DEPDC1B: variants seen among roughly 807,000 people sequenced by gnomAD.
The protein encoded by DEPDC1B is DEP domain-containing protein 1B.
DEPDC1B carries 51 observed loss-of-function variants against 66.5 expected under a neutral mutation model. That is an observed-to-expected ratio of 0.77 (90% CI 0.61 to 0.97). DEPDC1B has a LOEUF of 0.97. DEPDC1B is among the 50% of genes least tolerant of loss of function. DEPDC1B has a pLI of 0.00. For missense variants in DEPDC1B, 552 were observed against 637.1 expected, an observed-to-expected ratio of 0.87 and a Z score of 1.44; for synonymous variants, 226 against 223.6, an observed-to-expected ratio of 1.01 and a Z score of -0.10.
chr5:60,699,457 A>C (rs1450840688), intron 1 of DEPDC1B, among the ~76,000 whole-genome samples: 3 of 151,226 alleles, frequency 2.0e-5, no homozygotes, highest in Non-Finnish European at 2.9e-5. Context: ...AAAAAAAAAA[A>C]AAAAACAGGA....
intron 2 of DEPDC1B, among the ~76,000 whole-genome samples, chr5:60,649,526 G>A (rs776940634): frequency 1.1e-4 from 16 of 152,122 alleles, no homozygotes; most frequent in Non-Finnish European, 1.9e-4. Flanking sequence ...TCTATTTCGG[G>A]CATTGAAAGT....
chr5:60,654,212 C>T (rs1316094687), intron 2 of DEPDC1B, among the ~76,000 whole-genome samples: 4 of 149,014 alleles, frequency 2.7e-5, no homozygotes, highest in African/African-American at 5.1e-5. Context: ...GTCATTTTTA[C>T]AATGTTAATT....
At chr5:60,637,306 G>A (rs985664052) in intron 7 of DEPDC1B, among the ~76,000 whole-genome samples, 1 of 152,116 alleles carries the variant, frequency 6.6e-6, no homozygotes, top group African/African-American at 2.4e-5. Context: ...TTGCAACTGT[G>A]AGTTCTCCCA....
chr5:60,625,170 A>T (rs551931298), intron 7 of DEPDC1B, among the ~76,000 whole-genome samples: 1 of 152,162 alleles, frequency 6.6e-6, no homozygotes, highest in African/African-American at 2.4e-5. Flanking sequence ...GTTGGTTCCG[A>T]GTCTTTGCTA....
intron 7 of DEPDC1B, among the ~76,000 whole-genome samples, chr5:60,608,837 G>A (rs897513788): frequency 1.2e-4 from 19 of 152,196 alleles, no homozygotes; most frequent in East Asian, 1.2e-3. Context: ...GGCTAGGCAT[G>A]GTGGCTTACA....
At chr5:60,665,856 G>A (rs1323019321) in intron 2 of DEPDC1B, among the ~76,000 whole-genome samples, 1 of 152,126 alleles carries the variant, frequency 6.6e-6, no homozygotes, top group Non-Finnish European at 1.5e-5. Flanking sequence ...TACAAATTAG[G>A]CTAAAGCAGG....
intron 1 of DEPDC1B, among the ~76,000 whole-genome samples, chr5:60,688,643 T>A (rs1167923058): frequency 6.6e-6 from 1 of 152,134 alleles, no homozygotes; most frequent in Non-Finnish European, 1.5e-5. Context: ...CAGAGCTGAG[T>A]GAGTACGTTG....
At chr5:60,623,171 G>C (rs190938624) in intron 7 of DEPDC1B, among the ~76,000 whole-genome samples, 4 of 152,198 alleles carry the variant, frequency 2.6e-5, no homozygotes, top group Admixed American at 2.6e-4. Context: ...AGTGCATACA[G>C]TATACAGTAT....
At chr5:60,602,204 G>A (rs149431873) in intron 9 of DEPDC1B, among the ~76,000 whole-genome samples, 179 of 151,582 alleles carry the variant, frequency 1.2e-3, no homozygotes, top group African/African-American at 4.1e-3. Flanking sequence ...AAGAGAGAGG[G>A]AAGAAAGTAA....
chr5:60,647,881 T>A (rs1481077914), intron 2 of DEPDC1B: 1 of 156,318 alleles, frequency 6.4e-6, no homozygotes, highest in East Asian at 1.9e-4. Context: ...TTTATTTACT[T>A]AAGCCAAAAA....
chr5:60,603,664 A>G, intron 8 of DEPDC1B, 97 bp from the exon 9 acceptor site: 1 of 1,296,406 alleles, frequency 7.7e-7, no homozygotes. Flanking sequence ...AAATGGTCTA[A>G]GGCACAGGGT....
intron 7 of DEPDC1B, among the ~76,000 whole-genome samples, chr5:60,617,092 G>C (rs1219607556): frequency 1.3e-5 from 2 of 152,128 alleles, no homozygotes; most frequent in African/African-American, 4.8e-5. Flanking sequence ...AATGCTGAGA[G>C]ATTTTGTCAC....
chr5:60,683,005 C>A (rs1168138167), intron 2 of DEPDC1B, among the ~76,000 whole-genome samples: 1 of 152,098 alleles, frequency 6.6e-6, no homozygotes, highest in South Asian at 2.1e-4. Context: ...AAAAAAGTGG[C>A]CAATGTCCCT....
chr5:60,637,765 G>C (rs184932282), intron 7 of DEPDC1B, among the ~76,000 whole-genome samples: 1 of 152,284 alleles, frequency 6.6e-6, no homozygotes, highest in Admixed American at 6.5e-5. Context: ...GGAAAACACT[G>C]ACTCTTATTT....
chr5:60,629,051 G>A (rs970015015), intron 7 of DEPDC1B, among the ~76,000 whole-genome samples: 4 of 152,252 alleles, frequency 2.6e-5, no homozygotes, highest in Admixed American at 6.5e-5. Flanking sequence ...ACTTGGGGCC[G>A]GCCCTGTCCT....
At chr5:60,648,088 CCT>C (rs749682906) in intron 2 of DEPDC1B, 26 of 152,144 alleles carry the variant, frequency 1.7e-4, no homozygotes, top group Non-Finnish European at 3.2e-4. Flanking sequence ...TCAAAACATT[CCT>C]CTTTGACATA....
At chr5:60,675,402 G>A (rs1754131289) in intron 2 of DEPDC1B, among the ~76,000 whole-genome samples, 1 of 152,046 alleles carries the variant, frequency 6.6e-6, no homozygotes, top group South Asian at 2.1e-4. Flanking sequence ...CAGCTCCAGG[G>A]ACTCCAAAAT....
chr5:60,678,739 G>A (rs184164841), intron 2 of DEPDC1B, among the ~76,000 whole-genome samples: 31 of 152,136 alleles, frequency 2.0e-4, no homozygotes, highest in Admixed American at 7.9e-4. Context: ...TTTTTCAATT[G>A]GATTGCTTGT....
chr5:60,647,868 CTTT>C (rs1361209096), intron 2 of DEPDC1B: 1 of 158,752 alleles, frequency 6.3e-6, no homozygotes, highest in African/African-American at 2.4e-5. Context: ...TTTATTTTGA[CTTT>C]TTATTTACTT....
Sources: gnomAD v4.1 joint callset for allele counts (sites outside exome capture counted in the v4.1 genomes callset) on GRCh38, gnomAD v4.1.1 for gene constraint, MANE v1.5 for transcripts, NCBI Gene and HGNC (gene_info 2026-07-23, HGNC 2026-07-21) for gene names.